The following GABRG3 variants were observed in gnomAD, a reference collection of about 807,000 sequenced individuals.
GABRG3 encodes gamma-aminobutyric acid receptor subunit gamma-3.
A neutral mutation model predicts 48.8 loss-of-function variants in GABRG3; 25 were observed. The ratio of observed to expected loss-of-function variants is 0.51; its 90% CI spans 0.37 to 0.72. The LOEUF is 0.72. Ranked by LOEUF, GABRG3 falls within the 30% of genes least tolerant of loss-of-function variation. The pLI is 0.00. For synonymous variants in GABRG3, 227 were observed against 217.6 expected, an observed-to-expected ratio of 1.04 and a Z score of -0.38; for missense variants, 394 against 577.9, an observed-to-expected ratio of 0.68 and a Z score of 3.26.
chr15:27,466,017 G>C (rs560866510), intron 5 of GABRG3, among the ~76,000 whole-genome samples: 1 of 152,154 alleles, frequency 6.6e-6, no homozygotes, highest in Non-Finnish European at 1.5e-5. Context: ...GAGTGGGTTG[G>C]TTAATATCTA....
intron 3 of GABRG3, among the ~76,000 whole-genome samples, chr15:27,232,883 T>C (rs546038116): frequency 4.9e-4 from 74 of 152,364 alleles, no homozygotes; most frequent in African/African-American, 1.7e-3. Flanking sequence ...TTCTACTACC[T>C]GTCCAGAGGA....
chr15:27,076,526 A>G lies in GABRG3; in HGVS notation c.270+49705A>G, dbSNP rs1362828194. Among the ~76,000 whole-genome samples the G allele has an allele frequency of 2.6e-5, 4 of 151,930 alleles. No individual in the cohort carries two copies. The East Asian group carries it at 7.8e-4, about 30-fold the overall frequency. Reference sequence around the variant, plus strand: ...TTTTTAGTAGAGATGGGGTTTCACCATGTTGACCAGGATGTTCTCGATCTC... The same window carrying G: ...TTTTTAGTAGAGATGGGGTTTCACCGTGTTGACCAGGATGTTCTCGATCTC... On this transcript the variant is annotated intron_variant, in intron 3 of 9. Transcript: ENST00000615808.
At chr15:27,503,585 C>A (rs986135800) in intron 6 of GABRG3, among the ~76,000 whole-genome samples, 2 of 152,080 alleles carry the variant, frequency 1.3e-5, no homozygotes, top group African/African-American at 4.8e-5. Context: ...AATAATTTGG[C>A]TTATCCCAAG....
At chr15:27,450,546 T>C (rs1341302680) in intron 5 of GABRG3, among the ~76,000 whole-genome samples, 1 of 152,028 alleles carries the variant, frequency 6.6e-6, no homozygotes. Flanking sequence ...AAATTAGGTG[T>C]AGAAAAAATG....
intron 3 of GABRG3, among the ~76,000 whole-genome samples, chr15:27,132,691 T>C (rs947956583): frequency 6.6e-6 from 1 of 151,604 alleles, no homozygotes; most frequent in African/African-American, 2.4e-5. Context: ...GTTACATGCA[T>C]TTTCTTCATT....
At chr15:27,327,121 T>A in intron 4 of GABRG3, 92 bp downstream of exon 4, 1 of 1,129,882 alleles carries the variant, frequency 8.9e-7, no homozygotes, top group Non-Finnish European at 1.3e-6. Flanking sequence ...TTTTCATCTC[T>A]AAGTCTATTC....
At chr15:27,211,207 G>A (rs1055672972) in intron 3 of GABRG3, among the ~76,000 whole-genome samples, 4 of 152,168 alleles carry the variant, frequency 2.6e-5, no homozygotes, top group African/African-American at 9.6e-5. Flanking sequence ...TCTGCCTCTA[G>A]ATTTCCTGCT....
At chr15:27,430,770 G>A (rs59012862) in intron 5 of GABRG3, among the ~76,000 whole-genome samples, 21 of 151,874 alleles carry the variant, frequency 1.4e-4, no homozygotes, top group African/African-American at 4.4e-4. Context: ...CAGGTGGATC[G>A]CCTGAAGCCA....
At chr15:27,385,570 T>C (rs1240553987) in intron 5 of GABRG3, among the ~76,000 whole-genome samples, 1 of 152,122 alleles carries the variant, frequency 6.6e-6, no homozygotes, top group Non-Finnish European at 1.5e-5. Context: ...TCATTCTGTT[T>C]TCTTTCTGCT....
chr15:27,389,483 G>A (rs150686121), intron 5 of GABRG3, among the ~76,000 whole-genome samples: 369 of 152,304 alleles, frequency 2.4e-3, no homozygotes, highest in African/African-American at 8.0e-3. Context: ...GTTATCTGCG[G>A]TGAAATGGGT....
chr15:27,231,474 A>G (rs889937092), intron 3 of GABRG3, among the ~76,000 whole-genome samples: 2 of 152,176 alleles, frequency 1.3e-5, no homozygotes, highest in Non-Finnish European at 2.9e-5. Flanking sequence ...AGGAGGCAGA[A>G]GAGGGCTTGG....
rs1891306818 is a variant in GABRG3 at position 27,527,504 on chromosome 15, G to C, written c.937G>C (p.Val313Leu). 7 of 1,613,854 alleles carry C rather than the reference G, an allele frequency of 4.3e-6. No individual in the cohort carries two copies. Among genetic ancestry groups the C allele is most frequent in the Non-Finnish European group, 5.1e-6 (6 of 1,179,914 alleles). ...ARKSLPRVSY[V>L]TAMDLFVTVC... The stretch of plus-strand genomic sequence containing the variant: ...GAAGTCCTTGCCACGCGTGTCCTAC[G>C]TGACCGCCATGGACCTTTTTGTGAC... The change falls in exon 8 of 10, where the codon GTG (valine) becomes CTG (leucine). Residue 313 changes from valine (V) to leucine (L), a missense_variant. Around this residue, in one of 3 missense-constraint regions of GABRG3, gnomAD observed 50 missense variants for 112.5 expected, o/e 0.44. Transcript: ENST00000615808.
At chr15:27,234,857 C>T (rs1446255744) in intron 3 of GABRG3, among the ~76,000 whole-genome samples, 1 of 152,156 alleles carries the variant, frequency 6.6e-6, no homozygotes, top group Non-Finnish European at 1.5e-5. Flanking sequence ...GGACCTGCTG[C>T]CCAGATGGTG....
intron 5 of GABRG3, among the ~76,000 whole-genome samples, chr15:27,355,708 T>TG (rs374502973): frequency 9.4e-4 from 143 of 152,266 alleles, no homozygotes; most frequent in African/African-American, 3.3e-3. Flanking sequence ...ATACAAAAAG[T>TG]GGGGGGAAAC....
chr15:27,239,699 A>G (rs991934970), intron 3 of GABRG3, among the ~76,000 whole-genome samples: 2 of 152,230 alleles, frequency 1.3e-5, no homozygotes, highest in Non-Finnish European at 2.9e-5. Flanking sequence ...ATCAAGATGT[A>G]TTTAGGTCTA....
chr15:27,059,754 A>G (rs1038361351), intron 3 of GABRG3, among the ~76,000 whole-genome samples: 5 of 152,198 alleles, frequency 3.3e-5, no homozygotes, highest in Non-Finnish European at 5.9e-5. Flanking sequence ...CTGGCAGACA[A>G]TGGTGCTTCA....
chr15:27,017,420 C>T (rs1301784099), intron 2 of GABRG3, among the ~76,000 whole-genome samples: 1 of 152,138 alleles, frequency 6.6e-6, no homozygotes. Flanking sequence ...CTGGCACTCC[C>T]CCTACTGTCA....
At chr15:27,372,959 C>T (rs1035321898) in intron 5 of GABRG3, among the ~76,000 whole-genome samples, 1 of 152,222 alleles carries the variant, frequency 6.6e-6, no homozygotes, top group East Asian at 1.9e-4. Flanking sequence ...CAGCTGTGGC[C>T]TCCAGCAAGC....
intron 5 of GABRG3, among the ~76,000 whole-genome samples, chr15:27,417,645 C>T (rs1317686086): frequency 6.6e-6 from 1 of 152,206 alleles, no homozygotes; most frequent in African/African-American, 2.4e-5. Context: ...TCAAATGCTC[C>T]TTCACTCTGG....
Sources: gnomAD v4.1 joint callset for allele counts (sites outside exome capture counted in the v4.1 genomes callset) on GRCh38, gnomAD v4.1.1 for gene constraint, gnomAD v4.1.1 regional missense constraint, MANE v1.5 for transcripts, NCBI Gene and HGNC (gene_info 2026-07-23, HGNC 2026-07-21) for gene names.